EML6: variants seen among roughly 807,000 people sequenced by gnomAD.
EML6 encodes the protein echinoderm microtubule-associated protein-like 6.
In EML6, 154 loss-of-function variants were observed where a neutral mutation model predicts 240.1. That is an observed-to-expected ratio of 0.64 (90% confidence interval 0.56 to 0.73). EML6 has a LOEUF of 0.73. EML6 is among the 30% of genes least tolerant of loss of function. EML6 has a pLI of 0.00. For missense variants in EML6, 2,964 were observed against 2,474.6 expected (o/e 1.20, Z -4.20); for synonymous variants, 1,148 against 899.0 (o/e 1.28, Z -4.95).
intron 16 of EML6, among the ~76,000 whole-genome samples, chr2:54,873,352 T>C (rs1182592080): frequency 6.6e-6 from 1 of 152,200 alleles, no homozygotes; most frequent in Non-Finnish European, 1.5e-5. Flanking sequence ...TGGTGACATG[T>C]GAGGTAGGAG....
chr2:54,835,270 C>T (rs1243163275), intron 7 of EML6, among the ~76,000 whole-genome samples: 1 of 152,190 alleles, frequency 6.6e-6, no homozygotes. Context: ...TGGCTATTGT[C>T]TGTTTCCACA....
At chr2:54,867,960 C>G (rs937861950) in intron 14 of EML6, 2 of 152,068 alleles carry the variant, frequency 1.3e-5, no homozygotes, top group African/African-American at 4.8e-5. Context: ...CTAACTCAGC[C>G]CAATACAATA....
chr2:54,870,464 A>G (rs767141442), intron 15 of EML6, among the ~76,000 whole-genome samples: 22 of 151,332 alleles, frequency 1.5e-4, no homozygotes, highest in Non-Finnish European at 2.8e-4. Context: ...TAAAAGGGTT[A>G]CAGTCCTCCA....
chr2:54,962,510 T>C lies in EML6; in HGVS notation c.4969-13T>C. On this transcript the variant is annotated splice_polypyrimidine_tract_variant and intron_variant, in intron 35 of 41. Coordinates refer to ENST00000356458, the MANE Select transcript of EML6 (RefSeq NM_001039753.4). ...TATTTGTCCTTTTTCTAATAGTGTTTCAATTACAACAGGGAAAAATCTTAG... is the reference window on the plus strand; with the variant it reads ...TATTTGTCCTTTTTCTAATAGTGTTCCAATTACAACAGGGAAAAATCTTAG... 6.5e-7 allele frequency: 1 copy of C among 1,533,212 alleles called. No individual in the cohort carries two copies. Among genetic ancestry groups the C allele is most frequent in the Admixed American group, 2.0e-5 (1 of 49,308 alleles). The allele number at this position is 1,533,212 out of a possible 1,614,324, so 95.0% of individuals were successfully genotyped here.
In EML6 at chr2:54,882,871, A is replaced by AAAAAAAAAAGAAAAG. The variant is rs962733331; in HGVS notation, c.2438+3234_2438+3235insAAAAAAGAAAAGAAA. ...AGACTCCGTCTCAAAAAAAAAAAAAAAAAGAAAGCTTAGGGACACACTAAG... is the reference window on the plus strand; with the variant it reads ...AGACTCCGTCTCAAAAAAAAAAAAAAAAAAAAAAAGAAAAGAAAGAAAGCTTAGGGACACACTAAG... On this transcript the variant is annotated intron_variant, in intron 17 of 41. Transcript: ENST00000356458. 6.6e-4 allele frequency: 85 copies of AAAAAAAAAAGAAAAG among 128,826 alleles called. 3 individuals are homozygous for AAAAAAAAAAGAAAAG. Among genetic ancestry groups the AAAAAAAAAAGAAAAG allele is most frequent in the African/African-American group, 2.4e-3 (81 of 33,948 alleles). The allele number at this position is 128,826 out of a possible 1,614,324, so 8.0% of individuals were successfully genotyped here.
At chr2:54,802,618 ATACTAC>A (rs56119525) in intron 2 of EML6, among the ~76,000 whole-genome samples, 5,402 of 139,918 alleles carry the variant, frequency 0.039, 221 homozygotes, top group African/African-American at 0.098. Context: ...ACCCTGTCTC[ATACTAC>A]TACTACTACT....
At chr2:54,962,229 T>A (rs1336620470) in intron 35 of EML6, among the ~76,000 whole-genome samples, 1 of 151,888 alleles carries the variant, frequency 6.6e-6, no homozygotes, top group Admixed American at 6.5e-5. Flanking sequence ...TTTTAAATTT[T>A]TTTAACTGTG....
chr2:54,801,059 C>T (rs1670112319), intron 2 of EML6, among the ~76,000 whole-genome samples: 2 of 152,016 alleles, frequency 1.3e-5, no homozygotes, highest in African/African-American at 4.8e-5. Context: ...AGTGGCTCAC[C>T]TCTGTAATCC....
At chr2:54,941,091 C>T (rs1675405812) in intron 28 of EML6, among the ~76,000 whole-genome samples, 1 of 152,220 alleles carries the variant, frequency 6.6e-6, no homozygotes, top group Non-Finnish European at 1.5e-5. Flanking sequence ...AAACAGAAAT[C>T]TGGGAGAAGT....
At chr2:54,835,830 G>A (rs1669111522) in intron 7 of EML6, among the ~76,000 whole-genome samples, 1 of 152,104 alleles carries the variant, frequency 6.6e-6, no homozygotes, top group Non-Finnish European at 1.5e-5. Flanking sequence ...GTGGACAGGA[G>A]AGCCACCACA....
At position 54,801,177 on chromosome 2, in the gene EML6, G is replaced by T. The variant is rs187760721; in HGVS notation, c.198-12055G>T. Among the ~76,000 whole-genome samples the T allele has an allele frequency of 2.6e-5, 4 of 152,052 alleles. No homozygotes were observed. In the East Asian group the frequency reaches 7.7e-4, roughly 29 times the overall value. ...CTACTAAAAATACAAAAAATCAGCCGGGCATGGTGGTGGGCGCCTGTAGTC... is the reference window on the plus strand; with the variant it reads ...CTACTAAAAATACAAAAAATCAGCCTGGCATGGTGGTGGGCGCCTGTAGTC... On this transcript the variant is annotated intron_variant, in intron 2 of 41. Coordinates refer to ENST00000356458, the MANE Select transcript of EML6 (RefSeq NM_001039753.4).
At chr2:54,859,431 T>C (rs1670559195) in intron 11 of EML6, 103 bp from the exon 12 acceptor site, 2 of 849,056 alleles carry the variant, frequency 2.4e-6, no homozygotes, top group South Asian at 3.3e-5. Flanking sequence ...TTTTCAGATA[T>C]ATTTAAAGAT....
intron 28 of EML6, among the ~76,000 whole-genome samples, chr2:54,940,125 G>C (rs1449340117): frequency 6.6e-6 from 1 of 152,190 alleles, no homozygotes; most frequent in Non-Finnish European, 1.5e-5. Context: ...GCCCTTACCT[G>C]TGAACTGACA....
intron 25 of EML6, among the ~76,000 whole-genome samples, chr2:54,915,262 G>A (rs1396488182): frequency 2.6e-5 from 4 of 152,164 alleles, no homozygotes; most frequent in Non-Finnish European, 4.4e-5. Flanking sequence ...GTGTTGGGGT[G>A]TCTGCCAGGG....
intron 25 of EML6, among the ~76,000 whole-genome samples, chr2:54,913,565 A>G (rs1010534544): frequency 2.6e-5 from 4 of 152,146 alleles, no homozygotes; most frequent in Non-Finnish European, 5.9e-5. Flanking sequence ...TTTCAGGTGC[A>G]TAGTTTGCAA....
At chr2:54,917,352 T>A (rs541928713) in intron 26 of EML6, among the ~76,000 whole-genome samples, 1 of 100,830 alleles carries the variant, frequency 9.9e-6, no homozygotes, top group Non-Finnish European at 1.9e-5. Flanking sequence ...TTCCCTTTTT[T>A]TTTTTGTTTT....
intron 7 of EML6, among the ~76,000 whole-genome samples, chr2:54,843,062 C>A (rs1669547590): frequency 6.6e-6 from 1 of 152,270 alleles, no homozygotes; most frequent in South Asian, 2.1e-4. Flanking sequence ...TGTAGTGTCA[C>A]CCACGTATAA....
intron 7 of EML6, among the ~76,000 whole-genome samples, chr2:54,832,581 T>C (rs1254153560): frequency 1.3e-5 from 2 of 152,174 alleles, no homozygotes; most frequent in Non-Finnish European, 2.9e-5. Flanking sequence ...AAGATGTAAA[T>C]AGCTTTCTGG....
intron 28 of EML6, among the ~76,000 whole-genome samples, chr2:54,941,991 T>G (rs961054411): frequency 6.6e-6 from 1 of 152,254 alleles, no homozygotes; most frequent in African/African-American, 2.4e-5. Flanking sequence ...TATTGCTTAG[T>G]TAGGTAACTC....
Sources: gnomAD v4.1 joint callset for allele counts (sites outside exome capture counted in the v4.1 genomes callset) on GRCh38, gnomAD v4.1.1 for gene constraint, MANE v1.5 for transcripts, NCBI Gene and HGNC (gene_info 2026-07-23, HGNC 2026-07-21) for gene names.